MEIKIN: variants seen among roughly 807,000 people sequenced by gnomAD.
MEIKIN encodes meiotic kinetochore factor, also known as meiosis-specific kinetochore protein.
chr5:131,864,671 GTTTGAC>G (rs1253816741), intron 9 of MEIKIN, among the ~76,000 whole-genome samples: 1 of 152,164 alleles, frequency 6.6e-6, no homozygotes, highest in Non-Finnish European at 1.5e-5. Context: ...CACTTAGACA[GTTTGAC>G]TACAATATGC....
At chr5:131,896,510 G>C (rs1044465407) in intron 8 of MEIKIN, among the ~76,000 whole-genome samples, 1 of 152,268 alleles carries the variant, frequency 6.6e-6, no homozygotes, top group Non-Finnish European at 1.5e-5. Context: ...TATTGTGTGG[G>C]AGTCTAAGTC....
intron 1 of MEIKIN, 48 bp downstream of exon 1, chr5:131,945,352 C>G: frequency 2.5e-6 from 1 of 399,042 alleles, no homozygotes; most frequent in Non-Finnish European, 4.4e-6. Flanking sequence ...GGTCCCGTCC[C>G]GGAGGCAGCT....
At chr5:131,938,124 T>A (rs1436026456) in intron 4 of MEIKIN, among the ~76,000 whole-genome samples, 1 of 151,942 alleles carries the variant, frequency 6.6e-6, no homozygotes, top group Non-Finnish European at 1.5e-5. Context: ...ACAACTTTAT[T>A]GAGATATAAT....
intron 5 of MEIKIN, among the ~76,000 whole-genome samples, chr5:131,923,191 C>G (rs1212692019): frequency 6.6e-6 from 1 of 152,138 alleles, no homozygotes; most frequent in African/African-American, 2.4e-5. Flanking sequence ...CCTGGTCCCT[C>G]TATATTTTTA....
intron 11 of MEIKIN, among the ~76,000 whole-genome samples, chr5:131,849,389 C>T (rs1204332282): frequency 2.8e-5 from 4 of 143,294 alleles, no homozygotes; most frequent in African/African-American, 1.0e-4. Context: ...AAAGAAACCT[C>T]TTTTCTTTAT....
In MEIKIN at chr5:131,901,336, A is replaced by C. The variant is rs1211353640; in HGVS notation, c.703+10479T>G. Among the ~76,000 whole-genome samples, 5 of 152,034 alleles carry C rather than the reference A, an allele frequency of 3.3e-5. No homozygotes were observed. In the South Asian group the frequency reaches 6.2e-4, roughly 19 times the overall value. On this transcript the variant is annotated intron_variant, in intron 8 of 12. Transcript: ENST00000442687. Reference sequence around the variant, plus strand: ...GTACAGATGGCACACAGAGTCCCATACCTGCCAGCACCCACCTCGTCCTAA... The same window carrying C: ...GTACAGATGGCACACAGAGTCCCATCCCTGCCAGCACCCACCTCGTCCTAA...
intron 8 of MEIKIN, among the ~76,000 whole-genome samples, chr5:131,905,069 T>G (rs549367771): frequency 1.2e-3 from 176 of 152,234 alleles, no homozygotes; most frequent in African/African-American, 4.2e-3. Context: ...AACCACCACG[T>G]GTATACCTAT....
At chr5:131,833,887 T>C (rs1749755971) in intron 11 of MEIKIN, among the ~76,000 whole-genome samples, 1 of 152,210 alleles carries the variant, frequency 6.6e-6, no homozygotes, top group Admixed American at 6.5e-5. Flanking sequence ...AAGAAAATGT[T>C]TGTAAAATGT....
At position 131,807,109 on chromosome 5, in the gene MEIKIN, T is replaced by C; in HGVS notation, c.*127A>G. Reference sequence around the variant, plus strand: ...TCAGTAGAATTTCAACATAGAGATATATCACAAATAACTGGAGAATTTTTA... The same window carrying C: ...TCAGTAGAATTTCAACATAGAGATACATCACAAATAACTGGAGAATTTTTA... On this transcript the variant is annotated 3_prime_UTR_variant, in exon 13 of 13. Coordinates refer to ENST00000442687, the MANE Select transcript of MEIKIN (RefSeq NM_001303622.2). 2.5e-6 allele frequency: 1 copy of C among 396,076 alleles called. No individual in the cohort carries two copies. The allele number at this position is 396,076 out of a possible 1,614,324, so 24.5% of individuals were successfully genotyped here.
chr5:131,875,126 G>T (rs1750588986), intron 9 of MEIKIN, among the ~76,000 whole-genome samples: 1 of 152,174 alleles, frequency 6.6e-6, no homozygotes, highest in South Asian at 2.1e-4. Context: ...TCAACATAGT[G>T]TTGGAAGTTC....
chr5:131,831,047 G>A lies in MEIKIN; in HGVS notation c.976-12184C>T, dbSNP rs182351431. On this transcript the variant is annotated intron_variant, in intron 11 of 12. Coordinates refer to ENST00000442687, the MANE Select transcript of MEIKIN (RefSeq NM_001303622.2). The stretch of plus-strand genomic sequence containing the variant: ...CAAGTAGCTGGGACTATACGTGTGC[G>A]CCATTGCACCTGGCTAATTTTTGTA... Among the ~76,000 whole-genome samples the A allele has an allele frequency of 2.4e-4, 36 of 152,234 alleles. No individual in the cohort carries two copies. The East Asian group carries it at 4.1e-3, about 17-fold the overall frequency.
intron 5 of MEIKIN, among the ~76,000 whole-genome samples, chr5:131,932,720 C>A (rs1751710208): frequency 2.0e-5 from 3 of 152,166 alleles, no homozygotes; most frequent in Admixed American, 2.0e-4. Flanking sequence ...AGTCTAGAGT[C>A]CCTGTTTCAA....
At chr5:131,881,700 C>T (rs1016885420) in intron 8 of MEIKIN, among the ~76,000 whole-genome samples, 1 of 152,038 alleles carries the variant, frequency 6.6e-6, no homozygotes, top group South Asian at 2.1e-4. Context: ...CAGTCACAAT[C>T]TTGGTATATA....
intron 8 of MEIKIN, among the ~76,000 whole-genome samples, chr5:131,893,762 A>C (rs1374819635): frequency 6.6e-6 from 1 of 152,178 alleles, no homozygotes; most frequent in African/African-American, 2.4e-5. Context: ...AGTTCCTTGC[A>C]GATTCAGGAT....
At chr5:131,852,858 A>G (rs1750137841) in intron 10 of MEIKIN, among the ~76,000 whole-genome samples, 1 of 95,020 alleles carries the variant, frequency 1.1e-5, no homozygotes, top group African/African-American at 4.4e-5. Flanking sequence ...AATAGTCACT[A>G]AATTAGTTTT....
intron 9 of MEIKIN, among the ~76,000 whole-genome samples, chr5:131,870,917 T>C (rs1363177721): frequency 2.6e-5 from 4 of 151,984 alleles, no homozygotes; most frequent in East Asian, 1.9e-4. Context: ...GTAGAAAGAG[T>C]ATAGGCTTTA....
At chr5:131,882,603 T>C (rs1462890987) in intron 8 of MEIKIN, among the ~76,000 whole-genome samples, 1 of 152,160 alleles carries the variant, frequency 6.6e-6, no homozygotes, top group Non-Finnish European at 1.5e-5. Context: ...AATAAAAAAA[T>C]ATATATCTGA....
chr5:131,825,620 A>C (rs2149604809), intron 11 of MEIKIN, among the ~76,000 whole-genome samples: 1 of 152,338 alleles, frequency 6.6e-6, no homozygotes, highest in South Asian at 2.1e-4. Flanking sequence ...TCAAACAGAC[A>C]CAGTGTGGAC....
chr5:131,900,543 T>C (rs1751139389), intron 8 of MEIKIN, among the ~76,000 whole-genome samples: 1 of 150,512 alleles, frequency 6.6e-6, no homozygotes, highest in South Asian at 2.1e-4. Flanking sequence ...GAGGGTTTGG[T>C]GTTGGAGCAT....
Sources: allele counts gnomAD v4.1 joint callset (sites outside exome capture counted in the v4.1 genomes callset), GRCh38; gene constraint gnomAD v4.1.1; transcripts MANE v1.5; gene names NCBI Gene and HGNC (gene_info 2026-07-23, HGNC 2026-07-21).